RELN: variants seen among roughly 807,000 people sequenced by gnomAD.
RELN encodes reelin.
RELN carries 108 observed loss-of-function variants against 427.6 expected under a neutral mutation model. That is an observed-to-expected ratio of 0.25 (90% confidence interval 0.22 to 0.30). RELN has a LOEUF of 0.30. RELN is among the 10% of genes least tolerant of loss of function. RELN has a pLI of 1.00. For synonymous variants in RELN, 1,524 were observed against 1,513.4 expected, an observed-to-expected ratio of 1.01 and a Z score of -0.16; for missense variants, 3,715 against 4,302.8, an observed-to-expected ratio of 0.86 and a Z score of 3.82.
intron 3 of RELN, among the ~76,000 whole-genome samples, chr7:103,803,466 T>C (rs1367904795): frequency 6.6e-6 from 1 of 152,062 alleles, no homozygotes; most frequent in African/African-American, 2.4e-5. Context: ...CAGTATTCAA[T>C]AAAAGACACC....
intron 16 of RELN, among the ~76,000 whole-genome samples, chr7:103,648,994 T>C (rs1437034520): frequency 2.6e-5 from 4 of 151,990 alleles, no homozygotes; most frequent in East Asian, 1.9e-4. Flanking sequence ...TGGTGGGAAT[T>C]TAAATTAGTA....
chr7:103,887,131 G>A lies in RELN; in HGVS notation c.337+29944C>T, dbSNP rs560917892. ...AATTTAATTGCCAAGGAAGAAGCAT[G>A]TCTGCCTTAACACAAGGTGGCTGCT... is the stretch of plus-strand genomic sequence containing the variant. On this transcript the variant is annotated intron_variant, in intron 2 of 64. Transcript: ENST00000428762. 3.9e-5 allele frequency among the ~76,000 whole-genome samples: 6 copies of A among 152,278 alleles called. No homozygotes were observed. The South Asian group carries it at 1.2e-3, about 32-fold the overall frequency.
chr7:103,688,437 A>C (rs1833806927), intron 10 of RELN, among the ~76,000 whole-genome samples: 1 of 152,096 alleles, frequency 6.6e-6, no homozygotes, highest in Non-Finnish European at 1.5e-5. Context: ...TGAGGTGCCC[A>C]ATTGAACATT....
At position 103,887,353 on chromosome 7, in the gene RELN, G is replaced by A. The variant is rs115610915; in HGVS notation, c.337+29722C>T. Among the ~76,000 whole-genome samples the A allele has an allele frequency of 1.0e-3, 152 of 152,262 alleles. 1 individual carries two copies. The highest frequency in any genetic ancestry group is 3.5e-3 in the African/African-American group (144 of 41,558). On this transcript the variant is annotated intron_variant, in intron 2 of 64. Coordinates refer to ENST00000428762, the MANE Select transcript of RELN (RefSeq NM_005045.4). ...GGTTCATAGGCCCTAGCCATTGCAC[G>A]TCAAAGGATGCAGAATGGAGGTGTC...
At chr7:103,654,529 A>C (rs1446527500) in intron 12 of RELN, among the ~76,000 whole-genome samples, 1 of 152,058 alleles carries the variant, frequency 6.6e-6, no homozygotes, top group African/African-American at 2.4e-5. Flanking sequence ...CTTTTTAATA[A>C]ACTGTTATTT....
chr7:103,701,521 G>A (rs1256918109), intron 8 of RELN, among the ~76,000 whole-genome samples: 2 of 152,044 alleles, frequency 1.3e-5, no homozygotes, highest in Non-Finnish European at 2.9e-5. Context: ...TCTTATGGAT[G>A]TGATTGATAT....
At position 103,670,915 on chromosome 7, in the gene RELN, A is replaced by G. The variant is rs146204096; in HGVS notation, c.1290-9388T>C. Among the ~76,000 whole-genome samples the G allele has an allele frequency of 2.9e-3, 444 of 152,176 alleles. 1 individual carries two copies. Among genetic ancestry groups the G allele is most frequent in the African/African-American group, 1.0e-2 (415 of 41,566 alleles). On this transcript the variant is annotated intron_variant, in intron 11 of 64. Transcript: ENST00000428762. ...TATCCAGAACATATTAAAACACCTA[A>G]AGTTGGCAACTTTAAGTATGAACTA...
Position 103,930,868 on chromosome 7 carries a change from A to ATGTGTGTGTG in RELN, c.227-13693_227-13684dup, listed in dbSNP as rs60265174. 5.3e-3 allele frequency among the ~76,000 whole-genome samples: 758 copies of ATGTGTGTGTG among 141,992 alleles called. 6 individuals are homozygous for ATGTGTGTGTG. Among genetic ancestry groups the ATGTGTGTGTG allele is most frequent in the East Asian group, 0.013 (61 of 4,794 alleles). The allele number at this position is 141,992 out of a possible 152,430, so 93.2% of individuals were successfully genotyped here. A position where few individuals can be genotyped will look rare whatever the true frequency, so the allele number is the denominator to read the frequency against. On this transcript the variant is annotated intron_variant, in intron 1 of 64. Coordinates refer to ENST00000428762, the MANE Select transcript of RELN (RefSeq NM_005045.4). ...AGTTATGCTTCTTGGGTGTGAGCATATGTGTGTGTGTGTGTGTGTGTGTGT... is the reference window on the plus strand; with the variant it reads ...AGTTATGCTTCTTGGGTGTGAGCATATGTGTGTGTGTGTGTGTGTGTGTGTGTGTGTGTGT...
At position 103,498,154 on chromosome 7, in the gene RELN, G is replaced by C; in HGVS notation, c.8766C>G (p.Ala2922=). The part of the protein sequence containing the change: ...GSTCTECGIL[A]EDTALYFGGS... Reference sequence around the variant, plus strand: ...CCCCAAAATAGAGTGCAGTGTCCTCGGCAAGAATTCCACACTCAGTGCAAG... The same window carrying C: ...CCCCAAAATAGAGTGCAGTGTCCTCCGCAAGAATTCCACACTCAGTGCAAG... The change falls in exon 54 of 65, where the codon GCC becomes GCG. Residue 2922 remains alanine (A), a synonymous_variant. Transcript: ENST00000428762. 2 of 1,613,962 alleles carry C rather than the reference G, an allele frequency of 1.2e-6. No homozygotes were observed. Among genetic ancestry groups the C allele is most frequent in the Non-Finnish European group, 1.7e-6 (2 of 1,179,954 alleles).
At chr7:103,926,583 C>A (rs1242779464) in intron 1 of RELN, among the ~76,000 whole-genome samples, 1 of 149,514 alleles carries the variant, frequency 6.7e-6, no homozygotes, top group Non-Finnish European at 1.5e-5. Flanking sequence ...GATAGAATTC[C>A]TAATACACAT....
chr7:103,735,142 C>T (rs1394210039), intron 6 of RELN, among the ~76,000 whole-genome samples: 1 of 152,018 alleles, frequency 6.6e-6, no homozygotes, highest in Non-Finnish European at 1.5e-5. Flanking sequence ...TAGGATCAAA[C>T]CATAAACATA....
intron 3 of RELN, among the ~76,000 whole-genome samples, chr7:103,831,055 TTTA>T (rs941110094): frequency 6.6e-6 from 1 of 152,122 alleles, no homozygotes; most frequent in Non-Finnish European, 1.5e-5. Flanking sequence ...AAAATAGAGT[TTTA>T]TATCTCAAAA....
chr7:103,591,759 C>T (rs1389161694), intron 27 of RELN, among the ~76,000 whole-genome samples: 1 of 152,100 alleles, frequency 6.6e-6, no homozygotes, highest in Non-Finnish European at 1.5e-5. Context: ...AGTTCTGTGA[C>T]AAGTTCGTGC....
intron 6 of RELN, among the ~76,000 whole-genome samples, chr7:103,745,116 CAAATCAAT>C (rs973155461): frequency 1.3e-4 from 20 of 152,154 alleles, no homozygotes; most frequent in Admixed American, 7.2e-4. Flanking sequence ...TCAATATACG[CAAATCAAT>C]AAATGTAATC....
At chr7:103,627,519 A>C (rs1305401533) in intron 20 of RELN, among the ~76,000 whole-genome samples, 2 of 152,028 alleles carry the variant, frequency 1.3e-5, no homozygotes, top group African/African-American at 4.8e-5. Context: ...GAGATCTTCC[A>C]TGTTGTTTCA....
intron 8 of RELN, among the ~76,000 whole-genome samples, chr7:103,703,946 G>A (rs1834145991): frequency 6.6e-6 from 1 of 152,132 alleles, no homozygotes; most frequent in African/African-American, 2.4e-5. Context: ...GTGACTAAGG[G>A]TTTCTAAGGT....
At chr7:103,901,461 T>C (rs983947507) in intron 2 of RELN, among the ~76,000 whole-genome samples, 3 of 152,074 alleles carry the variant, frequency 2.0e-5, no homozygotes, top group African/African-American at 7.2e-5. Flanking sequence ...CAAAGATTCA[T>C]GGCAACATTA....
At chr7:103,489,927 A>T (rs1828591259) in intron 59 of RELN, 28 bp from the exon 60 acceptor site, 1 of 1,613,548 alleles carries the variant, frequency 6.2e-7, no homozygotes, top group Non-Finnish European at 8.5e-7. Flanking sequence ...AGCAGAAGGG[A>T]TTCAGTAGGT....
chr7:103,699,967 C>T (rs1834056596), intron 9 of RELN, among the ~76,000 whole-genome samples: 1 of 151,882 alleles, frequency 6.6e-6, no homozygotes, highest in Non-Finnish European at 1.5e-5. Context: ...TTAAACACCA[C>T]TACCAAAGAA....
Sources: allele counts gnomAD v4.1 joint callset (sites outside exome capture counted in the v4.1 genomes callset), GRCh38; gene constraint gnomAD v4.1.1; transcripts MANE v1.5; gene names NCBI Gene and HGNC (gene_info 2026-07-23, HGNC 2026-07-21).